Variants in KLHL3 observed in about 807,000 individuals in gnomAD.
KLHL3 encodes the protein kelch-like protein 3.
A neutral mutation model predicts 70.5 loss-of-function variants in KLHL3; 19 were observed. That is an observed-to-expected ratio of 0.27 (90% confidence interval 0.19 to 0.40). The LOEUF is 0.40. Ranked by LOEUF, KLHL3 falls within the 10% of genes least tolerant of loss-of-function variation. The pLI, the probability that KLHL3 is intolerant of heterozygous loss-of-function variation, is 1.00. For missense variants in KLHL3, 512 were observed against 771.1 expected, an observed-to-expected ratio of 0.66 and a Z score of 3.98; for synonymous variants, 258 against 290.3, an observed-to-expected ratio of 0.89 and a Z score of 1.13.
At chr5:137,703,768 T>C (rs1752618701) in intron 3 of KLHL3, among the ~76,000 whole-genome samples, 1 of 151,752 alleles carries the variant, frequency 6.6e-6, no homozygotes, top group Non-Finnish European at 1.5e-5. Context: ...CCGCCCTCCC[T>C]GGAATCTCAT....
chr5:137,675,276 C>T (rs938762963), intron 6 of KLHL3, among the ~76,000 whole-genome samples: 3 of 152,124 alleles, frequency 2.0e-5, no homozygotes, highest in Non-Finnish European at 2.9e-5. Context: ...TAAGTGTATA[C>T]ATTTTAAGTG....
chr5:137,629,471 TC>T (rs1342566231), intron 12 of KLHL3: 2 of 152,152 alleles, frequency 1.3e-5, no homozygotes, highest in African/African-American at 4.8e-5. Flanking sequence ...CAGAAAAAGT[TC>T]CTCAGGTGAC....
rs569258360 is a variant in KLHL3, at chr5:137,696,500, T to C, written c.363+1787A>G. Among the ~76,000 whole-genome samples the C allele has an allele frequency of 5.2e-5, 8 of 152,382 alleles. No individual in the cohort carries two copies. In the South Asian group the frequency reaches 6.2e-4, roughly 12 times the overall value. ...AATAAAATGAGGACAATAAGGTTTG[T>C]TATGAGGATCAAATGAGAAAAATTT... On this transcript the variant is annotated intron_variant, in intron 4 of 14. Transcript: ENST00000309755.
Position 137,621,874 on chromosome 5 carries a change from C to A in KLHL3, c.*224G>T, listed in dbSNP as rs536807069. On this transcript the variant is annotated 3_prime_UTR_variant, in exon 15 of 15. Transcript: ENST00000309755. Reference sequence around the variant, plus strand: ...AAGGTGCTGCCTGGGGATGTCAAGACCCCCCTTGCTCAGGGCATAGGCCAG... The same window carrying A: ...AAGGTGCTGCCTGGGGATGTCAAGAACCCCCTTGCTCAGGGCATAGGCCAG... The A allele has an allele frequency of 7.5e-5, 44 of 585,826 alleles. No individual in the cohort carries two copies. The Admixed American group carries it at 9.5e-4, about 13-fold the overall frequency. The allele number at this position is 585,826 out of a possible 1,614,324, so 36.3% of individuals were successfully genotyped here. A position where few individuals can be genotyped will look rare whatever the true frequency, so the allele number is the denominator to read the frequency against.
rs1411195380 is a variant in KLHL3 at position 137,735,805 on chromosome 5, T to G, written c.-159A>C. On this transcript the variant is annotated 5_prime_UTR_variant, in exon 1 of 15. Coordinates refer to ENST00000309755, the MANE Select transcript of KLHL3 (RefSeq NM_017415.3). ...AGCCTCCTCCCTTCTCAATCCTCCT[T>G]CCTCTGACTTACTCGCAGCAGCTTC... 3 of 933,808 alleles carry G rather than the reference T, an allele frequency of 3.2e-6. No homozygotes were observed. The African/African-American group carries it at 4.8e-5, about 15-fold the overall frequency. 57.8% of individuals were successfully genotyped at this position (933,808 alleles called of 1,614,324 possible).
At chr5:137,698,250 G>C (rs747612603) in intron 4 of KLHL3, 37 bp downstream of exon 4, 2 of 1,611,914 alleles carry the variant, frequency 1.2e-6, no homozygotes, top group Non-Finnish European at 1.7e-6. Context: ...GGTCCTGAGT[G>C]TGCAATACAC....
chr5:137,726,633 C>T (rs1225853038), intron 1 of KLHL3, among the ~76,000 whole-genome samples: 2 of 152,116 alleles, frequency 1.3e-5, no homozygotes, highest in Non-Finnish European at 1.5e-5. Context: ...TTTCAGGGTA[C>T]AAATCCAACC....
intron 4 of KLHL3, chr5:137,692,795 A>C: frequency 4.0e-6 from 1 of 252,242 alleles, no homozygotes; most frequent in Admixed American, 5.0e-5. Context: ...TGGTCCACAA[A>C]CCACACTTTG....
chr5:137,681,229 T>G (rs1443133403), intron 5 of KLHL3, among the ~76,000 whole-genome samples: 2 of 152,194 alleles, frequency 1.3e-5, no homozygotes, highest in Non-Finnish European at 2.9e-5. Flanking sequence ...GAAATAGATG[T>G]GACTCACATT....
intron 10 of KLHL3, 80 bp from the exon 11 acceptor site, chr5:137,637,475 G>C: frequency 8.1e-7 from 1 of 1,227,170 alleles, no homozygotes; most frequent in Non-Finnish European, 1.2e-6. Flanking sequence ...GATGGGGGAG[G>C]AGTCCAAATG....
chr5:137,693,195 T>G (rs1752364941), intron 4 of KLHL3, among the ~76,000 whole-genome samples: 2 of 152,176 alleles, frequency 1.3e-5, no homozygotes, highest in African/African-American at 4.8e-5. Context: ...TGGAACAAGA[T>G]TCATTCCAAA....
chr5:137,729,038 G>A (rs1180921724), intron 1 of KLHL3, among the ~76,000 whole-genome samples: 1 of 151,888 alleles, frequency 6.6e-6, no homozygotes, highest in African/African-American at 2.4e-5. Flanking sequence ...TCTTGGGTGT[G>A]CGAGAATGTA....
intron 12 of KLHL3, among the ~76,000 whole-genome samples, chr5:137,630,364 C>T (rs1251586266): frequency 1.3e-5 from 2 of 152,174 alleles, no homozygotes; most frequent in Non-Finnish European, 1.5e-5. Flanking sequence ...CCAGCAATAA[C>T]CATTTCAGCA....
chr5:137,622,249 C>G (rs547884346), intron 14 of KLHL3, 123 bp from the exon 15 acceptor site: 1 of 1,185,802 alleles, frequency 8.4e-7, no homozygotes. Context: ...AATTTTTATC[C>G]TAATATTGAA....
chr5:137,653,785 C>T (rs1310427420), intron 8 of KLHL3, among the ~76,000 whole-genome samples: 1 of 152,178 alleles, frequency 6.6e-6, no homozygotes, highest in Admixed American at 6.5e-5. Context: ...CATATGTCCA[C>T]ACAAAGATCT....
intron 1 of KLHL3, among the ~76,000 whole-genome samples, chr5:137,723,299 T>A (rs868789141): frequency 5.4e-4 from 82 of 152,210 alleles, no homozygotes; most frequent in African/African-American, 1.7e-3. Flanking sequence ...GGATTTTGAT[T>A]AAAAAACTGC....
chr5:137,661,259 C>G (rs1751467030), intron 7 of KLHL3: 1 of 152,204 alleles, frequency 6.6e-6, no homozygotes, highest in Non-Finnish European at 1.5e-5. Context: ...CTCCATAAGC[C>G]TCAAGGCCTA....
chr5:137,622,148 G>C, intron 14 of KLHL3, 22 bp from the exon 15 acceptor site: 1 of 1,614,016 alleles, frequency 6.2e-7, no homozygotes, highest in Non-Finnish European at 8.5e-7. Flanking sequence ...GGGGGAGAAA[G>C]TTATCATCTT....
At chr5:137,666,927 A>G (rs1276907740) in intron 6 of KLHL3, among the ~76,000 whole-genome samples, 2 of 152,206 alleles carry the variant, frequency 1.3e-5, no homozygotes, top group East Asian at 1.9e-4. Context: ...TTATTAAATG[A>G]CTTGCCCAAG....
Sources: allele counts gnomAD v4.1 joint callset (sites outside exome capture counted in the v4.1 genomes callset), GRCh38; gene constraint gnomAD v4.1.1; transcripts MANE v1.5; gene names NCBI Gene and HGNC (gene_info 2026-07-23, HGNC 2026-07-21).